Variants in ABI3BP observed in about 807,000 individuals in gnomAD.
The protein encoded by ABI3BP is target of Nesh-SH3.
ABI3BP carries 216 observed loss-of-function variants against 268.6 expected under a neutral mutation model. The observed-to-expected ratio is 0.80, with a 90% CI of 0.72 to 0.90. The LOEUF (loss-of-function observed/expected upper bound fraction) is 0.90, where lower values mean the gene tolerates loss of function less well. Ranked by LOEUF, ABI3BP falls within the 40% of genes least tolerant of loss-of-function variation. The probability of loss-of-function intolerance (pLI) is 0.00; values close to 1 mark genes in which losing one functional copy is unlikely to be tolerated. For synonymous variants in ABI3BP, 730 were observed against 730.0 expected, an observed-to-expected ratio of 1.00 and a Z score of 0.00; for missense variants, 2,090 against 2,182.4, an observed-to-expected ratio of 0.96 and a Z score of 0.84.
rs557394893 is a variant in ABI3BP, at chr3:100,894,736, A to G, written c.461+4026T>C. ...GGGCAGATCACGAGGTCAGGAGATC[A>G]AGAACATCCTGGCTAACACGGTGAA... On this transcript the variant is annotated intron_variant, in intron 4 of 67. Transcript: ENST00000471714. 2.7e-3 allele frequency among the ~76,000 whole-genome samples: 417 copies of G among 151,980 alleles called. 2 individuals are homozygous for G. The highest frequency in any genetic ancestry group is 9.0e-3 in the South Asian group (43 of 4,792).
chr3:100,854,188 T>TAA (rs56306514), intron 14 of ABI3BP, among the ~76,000 whole-genome samples: 1,851 of 128,910 alleles, frequency 0.014, 54 homozygotes, highest in African/African-American at 0.05. Context: ...CTGTCTCTAC[T>TAA]AAAAAAAAAA....
At chr3:100,839,209 C>A (rs968072351) in intron 24 of ABI3BP, among the ~76,000 whole-genome samples, 1 of 152,208 alleles carries the variant, frequency 6.6e-6, no homozygotes, top group East Asian at 1.9e-4. Context: ...CAATGAAATG[C>A]TAACCATGGC....
intron 1 of ABI3BP, among the ~76,000 whole-genome samples, chr3:100,977,221 C>T (rs1482672076): frequency 6.6e-6 from 1 of 152,128 alleles, no homozygotes; most frequent in Non-Finnish European, 1.5e-5. Flanking sequence ...TTTAAATAGT[C>T]CTTTAAAATT....
intron 2 of ABI3BP, among the ~76,000 whole-genome samples, chr3:100,906,157 C>T (rs1000538340): frequency 7.9e-5 from 12 of 152,088 alleles, no homozygotes; most frequent in African/African-American, 2.7e-4. Context: ...TTAATTATGC[C>T]TAATGCCTAG....
intron 6 of ABI3BP, 101 bp downstream of exon 6, chr3:100,885,435 T>C: frequency 1.7e-6 from 1 of 594,828 alleles, no homozygotes; most frequent in Non-Finnish European, 2.7e-6. Context: ...GTTTCATAGC[T>C]AGTCAGTTAA....
intron 2 of ABI3BP, chr3:100,911,127 T>C: frequency 2.9e-6 from 1 of 345,236 alleles, no homozygotes; most frequent in Non-Finnish European, 5.7e-6. Context: ...ATTTCTTGAA[T>C]TGTCATCTGT....
intron 1 of ABI3BP, among the ~76,000 whole-genome samples, chr3:100,941,471 A>G (rs1186957712): frequency 2.0e-5 from 3 of 152,158 alleles, no homozygotes; most frequent in Non-Finnish European, 4.4e-5. Flanking sequence ...AAGAAATGTC[A>G]CTTTACAAAA....
chr3:100,867,652 A>AAAAAAG (rs2099066656), intron 9 of ABI3BP, among the ~76,000 whole-genome samples: 1 of 147,566 alleles, frequency 6.8e-6, no homozygotes, highest in Admixed American at 6.6e-5. Flanking sequence ...AAAAAAAAAA[A>AAAAAAG]AAAAAAAAAG....
chr3:100,826,594 A>T (rs1030681683), intron 34 of ABI3BP, among the ~76,000 whole-genome samples: 3 of 152,234 alleles, frequency 2.0e-5, no homozygotes, highest in Non-Finnish European at 2.9e-5. Context: ...GAAAACATGT[A>T]CTATATGTTT....
At chr3:100,993,182 T>C in intron 1 of ABI3BP, 124 bp downstream of exon 1, 1 of 672,910 alleles carries the variant, frequency 1.5e-6, no homozygotes, top group Non-Finnish European at 2.4e-6. Flanking sequence ...ACATTTGAAC[T>C]TTGAATCTCT....
chr3:100,878,369 G>T (rs1315802354), intron 6 of ABI3BP, among the ~76,000 whole-genome samples: 1 of 152,074 alleles, frequency 6.6e-6, no homozygotes, highest in East Asian at 1.9e-4. Context: ...TTTATTTTGT[G>T]CACCTTTCTA....
At chr3:100,927,520 A>T (rs149640173) in intron 1 of ABI3BP, among the ~76,000 whole-genome samples, 91 of 152,282 alleles carry the variant, frequency 6.0e-4, no homozygotes, top group Non-Finnish European at 8.2e-4. Flanking sequence ...TAATTGGCTC[A>T]TGGTTCCTAA....
In ABI3BP at chr3:100,822,574, G is replaced by A; in HGVS notation, c.2887+15C>T. ...AGGCTGCAGGGACTCTTTAAACCAG[G>A]AACACATAGTTTACCTGGTTTGGAT... On this transcript the variant is annotated intron_variant, in intron 38 of 67. Transcript: ENST00000471714. The A allele has an allele frequency of 6.5e-7, 1 of 1,535,342 alleles. No individual in the cohort carries two copies. The highest frequency in any genetic ancestry group is 8.7e-7 in the Non-Finnish European group (1 of 1,145,970).
chr3:100,924,610 T>C (rs1004111929), intron 2 of ABI3BP, among the ~76,000 whole-genome samples: 2 of 152,150 alleles, frequency 1.3e-5, no homozygotes, highest in Non-Finnish European at 2.9e-5. Flanking sequence ...TCCTTGGTTG[T>C]CTGAAATTTC....
chr3:100,985,606 T>C (rs9821353), intron 1 of ABI3BP, among the ~76,000 whole-genome samples: 3,539 of 152,284 alleles, frequency 0.023, 134 homozygotes, highest in African/African-American at 0.08. Flanking sequence ...TGTGCCTCTG[T>C]ACATGGTATC....
chr3:100,885,752 A>G (rs892528570), intron 5 of ABI3BP, among the ~76,000 whole-genome samples, 164 bp from the exon 6 acceptor site: 1 of 152,018 alleles, frequency 6.6e-6, no homozygotes, highest in African/African-American at 2.4e-5. Flanking sequence ...TAATGACGGG[A>G]TGACTGGAAG....
chr3:100,908,115 T>TA lies in ABI3BP; in HGVS notation c.260-5430dup, dbSNP rs370167303. 1.5e-3 allele frequency among the ~76,000 whole-genome samples: 176 copies of TA among 118,178 alleles called. 2 individuals are homozygous for TA. The highest frequency in any genetic ancestry group is 9.0e-3 in the Middle Eastern group (2 of 222). The allele number at this position is 118,178 out of a possible 152,430, so 77.5% of individuals were successfully genotyped here. On this transcript the variant is annotated intron_variant, in intron 2 of 67. Coordinates refer to ENST00000471714, the MANE Select transcript of ABI3BP (RefSeq NM_001375547.2). ...TGGGTGACAGAGCAAAGACTCTGTC[T>TA]AAAAAAAAAAAAAAGAAAAAAGAAA...
chr3:100,838,831 G>A lies in ABI3BP; in HGVS notation c.1946-367C>T, dbSNP rs191967998. ...GTAGAAATCTGATTGCTTAGGAGGC[G>A]ATCTGGAAGTAATCCATAAACATTT... On this transcript the variant is annotated intron_variant, in intron 24 of 67. Coordinates refer to ENST00000471714, the MANE Select transcript of ABI3BP (RefSeq NM_001375547.2). Among the ~76,000 whole-genome samples the A allele has an allele frequency of 1.1e-3, 162 of 152,228 alleles. 3 individuals carry two copies. The highest frequency in any genetic ancestry group is 3.7e-3 in the African/African-American group (152 of 41,540).
At chr3:100,822,818 AT>A in intron 37 of ABI3BP, 146 bp from the exon 38 acceptor site, 1 of 592,706 alleles carries the variant, frequency 1.7e-6, no homozygotes. Context: ...CTCCTTATAG[AT>A]CTTTTATCAT....
Sources: gnomAD v4.1 joint callset for allele counts (sites outside exome capture counted in the v4.1 genomes callset) on GRCh38, gnomAD v4.1.1 for gene constraint, MANE v1.5 for transcripts, NCBI Gene and HGNC (gene_info 2026-07-23, HGNC 2026-07-21) for gene names.